ITGB6: variants seen among roughly 807,000 people sequenced by gnomAD.
The protein encoded by ITGB6 is integrin subunit beta 6, also known as integrin beta-6.
ITGB6 carries 80 observed loss-of-function variants against 84.5 expected under a neutral mutation model. The ratio of observed to expected loss-of-function variants is 0.95; its 90% CI spans 0.79 to 1.14. ITGB6 has a LOEUF of 1.14. Ranked by LOEUF, ITGB6 falls within the 50% of genes most tolerant of loss-of-function variation. The pLI is 0.00. For synonymous variants in ITGB6, 383 were observed against 354.9 expected (o/e 1.08, Z -0.89); for missense variants, 1,006 against 968.0 (o/e 1.04, Z -0.52).
intron 11 of ITGB6, among the ~76,000 whole-genome samples, chr2:160,125,424 T>C (rs954172022): frequency 6.6e-6 from 1 of 152,198 alleles, no homozygotes; most frequent in Admixed American, 6.5e-5. Context: ...AACAGAAAAG[T>C]AATAGAAGAA....
chr2:160,150,000 T>C (rs1050908446), intron 7 of ITGB6, among the ~76,000 whole-genome samples: 10 of 152,088 alleles, frequency 6.6e-5, no homozygotes, highest in African/African-American at 2.2e-4. Flanking sequence ...CTGAAAGTGA[T>C]GGGGAGAACG....
chr2:160,144,411 T>C (rs921968524), intron 7 of ITGB6, among the ~76,000 whole-genome samples: 1 of 152,204 alleles, frequency 6.6e-6, no homozygotes, highest in Non-Finnish European at 1.5e-5. Flanking sequence ...ACTTACCTTT[T>C]CAAATAAACA....
intron 7 of ITGB6, among the ~76,000 whole-genome samples, chr2:160,166,353 T>A (rs186369640): frequency 1.9e-3 from 285 of 152,326 alleles, no homozygotes; most frequent in Non-Finnish European, 2.9e-3. Flanking sequence ...ACTAAAGTCA[T>A]CTTTTCAAGC....
chr2:160,129,702 T>C (rs1574063046), intron 10 of ITGB6, among the ~76,000 whole-genome samples: 1 of 152,232 alleles, frequency 6.6e-6, no homozygotes, highest in Admixed American at 6.5e-5. Context: ...AAGTTCACTG[T>C]AGAAGGAAGA....
At chr2:160,154,438 T>TG (rs1223259390) in intron 7 of ITGB6, among the ~76,000 whole-genome samples, 47 of 59,490 alleles carry the variant, frequency 7.9e-4, no homozygotes. Context: ...TGTTATGGGG[T>TG]GGGGGGCTGG....
chr2:160,107,693 CT>C lies in ITGB6; in HGVS notation c.2253del (p.Ala752ProfsTer21). On this transcript the variant is annotated frameshift_variant, in exon 14 of 15. Coordinates refer to ENST00000283249, the MANE Select transcript of ITGB6 (RefSeq NM_000888.5). LOFTEE classifies it high-confidence loss of function. ...EVAKFEAERS[K>X]AKWQTGTNPL... ...TTTCCACATACCGTTTGCCACTTGG[CT>C]TTTGATCGTTCTGCTTCAAATTTGG... 6.2e-7 allele frequency: 1 copy of C among 1,613,990 alleles called. No individual in the cohort carries two copies. The highest frequency in any genetic ancestry group is 1.1e-5 in the South Asian group (1 of 91,072).
At chr2:160,118,886 A>T (rs1361153384) in intron 12 of ITGB6, among the ~76,000 whole-genome samples, 1 of 152,128 alleles carries the variant, frequency 6.6e-6, no homozygotes, top group African/African-American at 2.4e-5. Flanking sequence ...CAAACAGAGA[A>T]CCAAATCATG....
intron 4 of ITGB6, among the ~76,000 whole-genome samples, chr2:160,187,354 C>A (rs992530903): frequency 6.6e-6 from 1 of 152,030 alleles, no homozygotes; most frequent in South Asian, 2.1e-4. Flanking sequence ...ATTTTAACAA[C>A]ATGAAACATT....
intron 4 of ITGB6, among the ~76,000 whole-genome samples, chr2:160,183,323 AAGC>A (rs1685762305): frequency 6.6e-6 from 1 of 152,224 alleles, no homozygotes; most frequent in Non-Finnish European, 1.5e-5. Flanking sequence ...AAGCAAAAAA[AAGC>A]AGGGGTTACA....
intron 14 of ITGB6, among the ~76,000 whole-genome samples, chr2:160,103,456 T>G (rs1358505776): frequency 6.6e-6 from 1 of 152,100 alleles, no homozygotes. Flanking sequence ...TGGCTGGTGG[T>G]GGATGATGGG....
chr2:160,152,109 C>T (rs1684447186), intron 7 of ITGB6, among the ~76,000 whole-genome samples: 1 of 152,174 alleles, frequency 6.6e-6, no homozygotes, highest in Non-Finnish European at 1.5e-5. Context: ...AGGCCAACAT[C>T]ATCCTGATAG....
intron 12 of ITGB6, among the ~76,000 whole-genome samples, chr2:160,112,632 C>T (rs1171113603): frequency 3.9e-5 from 6 of 152,024 alleles, no homozygotes; most frequent in African/African-American, 4.8e-5. Flanking sequence ...TTTCTCACAA[C>T]GACATAGTCA....
chr2:160,133,036 A>T (rs1683535891), intron 10 of ITGB6, among the ~76,000 whole-genome samples: 1 of 152,122 alleles, frequency 6.6e-6, no homozygotes, highest in South Asian at 2.1e-4. Context: ...TGTGCTCCTT[A>T]TCCTTGGTAG....
chr2:160,155,599 G>A lies in ITGB6; in HGVS notation c.1018-13528C>T, dbSNP rs183823812. Among the ~76,000 whole-genome samples the A allele has an allele frequency of 1.6e-3, 237 of 152,208 alleles. 4 individuals are homozygous for A. The South Asian group carries it at 0.02, about 13-fold the overall frequency. On this transcript the variant is annotated intron_variant, in intron 7 of 14. Transcript: ENST00000283249. ...TCTCTCTATACCCTCTACTCAATTT[G>A]CTGTGAACCTAAAACTGCTTGAAAA...
intron 7 of ITGB6, among the ~76,000 whole-genome samples, chr2:160,161,470 T>C (rs1419462800): frequency 4.6e-5 from 7 of 152,192 alleles, no homozygotes; most frequent in Non-Finnish European, 2.9e-5. Flanking sequence ...TTTGTATTTT[T>C]AGTAGAGACG....
chr2:160,188,308 G>A (rs1234911288), intron 4 of ITGB6, among the ~76,000 whole-genome samples: 1 of 152,182 alleles, frequency 6.6e-6, no homozygotes, highest in Non-Finnish European at 1.5e-5. Flanking sequence ...AACTAAGAGA[G>A]TTAGGGCTAT....
chr2:160,160,235 A>G (rs780686399), intron 7 of ITGB6, among the ~76,000 whole-genome samples: 1 of 152,256 alleles, frequency 6.6e-6, no homozygotes, highest in Non-Finnish European at 1.5e-5. Flanking sequence ...GATAAAATAC[A>G]GAATGCTCAG....
intron 7 of ITGB6, among the ~76,000 whole-genome samples, chr2:160,160,166 A>C (rs1023345247): frequency 2.0e-5 from 3 of 152,232 alleles, no homozygotes; most frequent in African/African-American, 7.2e-5. Flanking sequence ...TAATCATGAC[A>C]GAAACCATGT....
intron 4 of ITGB6, among the ~76,000 whole-genome samples, chr2:160,191,777 A>C (rs1257161882): frequency 6.6e-6 from 1 of 152,216 alleles, no homozygotes; most frequent in Non-Finnish European, 1.5e-5. Context: ...AGGAATCTAT[A>C]AAAATCACAC....
Sources: allele counts gnomAD v4.1 joint callset (sites outside exome capture counted in the v4.1 genomes callset), GRCh38; gene constraint gnomAD v4.1.1; transcripts MANE v1.5; gene names NCBI Gene and HGNC (gene_info 2026-07-23, HGNC 2026-07-21).